The following GABRB2 variants were observed in gnomAD, a reference collection of about 807,000 sequenced individuals.
The protein encoded by GABRB2 is gamma-aminobutyric acid receptor subunit beta-2.
Under a neutral mutation model 54.7 loss-of-function variants are expected in GABRB2, and 16 were observed. That is an observed-to-expected ratio of 0.29 (90% CI 0.20 to 0.44). GABRB2 has a LOEUF of 0.44. Among genes scored for constraint, GABRB2 ranks in the 20% least tolerant of loss-of-function variants. GABRB2 has a pLI of 1.00. For missense variants in GABRB2, 355 were observed against 644.0 expected (o/e 0.55, Z 4.86); for synonymous variants, 244 against 233.8 (o/e 1.04, Z -0.40).
At chr5:161,340,085 C>G (rs1016049837) in intron 5 of GABRB2, among the ~76,000 whole-genome samples, 1 of 151,984 alleles carries the variant, frequency 6.6e-6, no homozygotes, top group Non-Finnish European at 1.5e-5. Context: ...TTCTTTCCTC[C>G]TAATCTTCCT....
chr5:161,298,353 G>C (rs1370768933), intron 9 of GABRB2, among the ~76,000 whole-genome samples: 1 of 151,932 alleles, frequency 6.6e-6, no homozygotes, highest in Non-Finnish European at 1.5e-5. Flanking sequence ...ATCTTTGCCC[G>C]TGCCTATATT....
intron 4 of GABRB2, among the ~76,000 whole-genome samples, chr5:161,445,503 A>G (rs1561652809): frequency 6.6e-6 from 1 of 152,144 alleles, no homozygotes; most frequent in African/African-American, 2.4e-5. Context: ...AGTTCAGGCC[A>G]TGATGGGAAG....
intron 9 of GABRB2, among the ~76,000 whole-genome samples, chr5:161,296,749 G>T (rs912061895): frequency 6.6e-6 from 1 of 152,234 alleles, no homozygotes; most frequent in Admixed American, 6.5e-5. Context: ...CGGAATTGCT[G>T]CTGCATCCTA....
chr5:161,336,814 C>CAAA (rs559725109), intron 5 of GABRB2, 45 bp from the exon 6 acceptor site: 112 of 1,106,268 alleles, frequency 1.0e-4, no homozygotes, highest in African/African-American at 2.9e-4. Flanking sequence ...ATACAGAAAA[C>CAAA]AAAAAAAAAA....
chr5:161,514,466 T>C (rs1015628854), intron 3 of GABRB2, among the ~76,000 whole-genome samples: 7 of 152,344 alleles, frequency 4.6e-5, no homozygotes, highest in Non-Finnish European at 8.8e-5. Flanking sequence ...GTTCATCTTT[T>C]TATCTCCCAG....
chr5:161,343,122 A>G (rs1754221051), intron 5 of GABRB2, among the ~76,000 whole-genome samples: 1 of 152,028 alleles, frequency 6.6e-6, no homozygotes, highest in African/African-American at 2.4e-5. Context: ...TCAACTCAAT[A>G]TCGAAAGTGT....
intron 3 of GABRB2, among the ~76,000 whole-genome samples, chr5:161,514,945 A>C (rs960038948): frequency 6.6e-6 from 1 of 152,186 alleles, no homozygotes; most frequent in Non-Finnish European, 1.5e-5. Context: ...AATGTATGTG[A>C]ACCCAAGCCT....
chr5:161,510,660 G>C (rs1234465142), intron 3 of GABRB2, among the ~76,000 whole-genome samples: 2 of 151,880 alleles, frequency 1.3e-5, no homozygotes, highest in Admixed American at 6.6e-5. Flanking sequence ...CTGAGATGGA[G>C]TCTCATTTCT....
chr5:161,546,264 A>C (rs1233433427), intron 2 of GABRB2, 58 bp downstream of exon 2: 1 of 1,408,720 alleles, frequency 7.1e-7, no homozygotes, highest in African/African-American at 1.4e-5. Flanking sequence ...GAGCGCGCAC[A>C]AAGCTCAAAA....
chr5:161,293,835 A>T lies in GABRB2; in HGVS notation c.*246T>A, dbSNP rs892151924. 8 of 491,042 alleles carry T rather than the reference A, an allele frequency of 1.6e-5. No homozygotes were observed. Among genetic ancestry groups the T allele is most frequent in the Non-Finnish European group, 2.9e-5 (8 of 273,208 alleles). The allele number at this position is 491,042 out of a possible 1,614,324, so 30.4% of individuals were successfully genotyped here. On this transcript the variant is annotated 3_prime_UTR_variant, in exon 10 of 10. Coordinates refer to ENST00000393959, the MANE Select transcript of GABRB2 (RefSeq NM_001371727.1). ...ACTAAACAGACAACATGGAGCACTC[A>T]GGCTGTCTAGCCACCATGTGTAAAA...
At chr5:161,463,834 A>G (rs1758201246) in intron 3 of GABRB2, among the ~76,000 whole-genome samples, 1 of 151,432 alleles carries the variant, frequency 6.6e-6, no homozygotes. Flanking sequence ...GAGAAAGCAT[A>G]ATCTTATTAT....
At chr5:161,485,898 G>A (rs1183067908) in intron 3 of GABRB2, among the ~76,000 whole-genome samples, 3 of 151,872 alleles carry the variant, frequency 2.0e-5, no homozygotes, top group African/African-American at 7.2e-5. Flanking sequence ...GGGTGCATTA[G>A]GAAAGCACCT....
At chr5:161,545,409 A>C in intron 2 of GABRB2, 115 bp from the exon 3 acceptor site, 5 of 509,142 alleles carry the variant, frequency 9.8e-6, no homozygotes, top group South Asian at 8.2e-5. Context: ...ACTCAATCTC[A>C]AATTTTTCAA....
rs557324269 is a variant in GABRB2, at chr5:161,395,841, T to TATA, written c.541+15131_541+15133dup. On this transcript the variant is annotated intron_variant, in intron 5 of 9. Transcript: ENST00000393959. ...AGCCAAGACTGCCCACTCCAGCCCT[T>TATA]ATACCTTCTACCTTGCTGTCATCAA... Among the ~76,000 whole-genome samples, 251 of 152,220 alleles carry TATA rather than the reference T, an allele frequency of 1.6e-3. 1 individual carries two copies. The highest frequency in any genetic ancestry group is 5.8e-3 in the African/African-American group (239 of 41,556).
intron 3 of GABRB2, among the ~76,000 whole-genome samples, chr5:161,533,806 AT>A (rs1307496105): frequency 2.0e-5 from 3 of 152,178 alleles, no homozygotes; most frequent in Non-Finnish European, 4.4e-5. Flanking sequence ...AGTGGTATGT[AT>A]TTTTTAATAA....
chr5:161,522,063 C>T (rs569247584), intron 3 of GABRB2, among the ~76,000 whole-genome samples: 1 of 151,930 alleles, frequency 6.6e-6, no homozygotes, highest in African/African-American at 2.4e-5. Context: ...AGTAGGACAT[C>T]TGCATTTCCC....
chr5:161,392,370 C>T (rs1417025621), intron 5 of GABRB2, among the ~76,000 whole-genome samples: 1 of 152,152 alleles, frequency 6.6e-6, no homozygotes, highest in African/African-American at 2.4e-5. Context: ...ATATTTTGAG[C>T]TAAAGAATAC....
At chr5:161,541,499 G>C (rs1238722470) in intron 3 of GABRB2, among the ~76,000 whole-genome samples, 1 of 152,182 alleles carries the variant, frequency 6.6e-6, no homozygotes, top group African/African-American at 2.4e-5. Context: ...GTGCAGAATA[G>C]CCAGCCATCT....
At position 161,397,731 on chromosome 5, in the gene GABRB2, G is replaced by A. The variant is rs891073883; in HGVS notation, c.541+13244C>T. Among the ~76,000 whole-genome samples, 15 of 152,220 alleles carry A rather than the reference G, an allele frequency of 9.9e-5. No individual in the cohort carries two copies. In the East Asian group the frequency reaches 2.1e-3, roughly 22 times the overall value. On this transcript the variant is annotated intron_variant, in intron 5 of 9. Coordinates refer to ENST00000393959, the MANE Select transcript of GABRB2 (RefSeq NM_001371727.1). ...TATTAAAACAGTTTAACACCTTAAC[G>A]ACCAGTTCTGACAGTGCTCGTATGA...
Sources: gnomAD v4.1 joint callset for allele counts (sites outside exome capture counted in the v4.1 genomes callset) on GRCh38, gnomAD v4.1.1 for gene constraint, MANE v1.5 for transcripts, NCBI Gene and HGNC (gene_info 2026-07-23, HGNC 2026-07-21) for gene names.